Variants in EXOSC7 observed in about 807,000 individuals in gnomAD.
EXOSC7 encodes exosome component 7.
In EXOSC7, 25 loss-of-function variants were observed where a neutral mutation model predicts 34.3. That is an observed-to-expected ratio of 0.73 (90% confidence interval 0.53 to 1.02). EXOSC7 has a LOEUF of 1.02. Among genes scored for constraint, EXOSC7 ranks in the 50% least tolerant of loss-of-function variants. The pLI is 0.00. For synonymous variants in EXOSC7, 130 were observed against 143.0 expected (o/e 0.91, Z 0.65); for missense variants, 370 against 368.5 (o/e 1.00, Z -0.03).
chr3:44,990,719 G>A (rs1257244797), intron 3 of EXOSC7, among the ~76,000 whole-genome samples: 1 of 152,192 alleles, frequency 6.6e-6, no homozygotes, highest in Non-Finnish European at 1.5e-5. Context: ...TGGTCACATA[G>A]ACACTCGATG....
intron 7 of EXOSC7, among the ~76,000 whole-genome samples, chr3:45,009,555 C>CTTT (rs769220705): frequency 6.9e-6 from 1 of 145,772 alleles, no homozygotes. Flanking sequence ...TCCAAAGGCC[C>CTTT]TTTTTTTTTT....
rs1707010166 is a variant in EXOSC7, at chr3:45,005,495, A to G, written c.615+81A>G. ...TCCCAACCTGCTGAGGTTACTTAAT[A>G]AGTTAAGAAGTTGTAATACCACACA... On this transcript the variant is annotated intron_variant, in intron 6 of 7. Coordinates refer to ENST00000265564, the MANE Select transcript of EXOSC7 (RefSeq NM_015004.4). The G allele has an allele frequency of 4.2e-6, 6 of 1,429,098 alleles. No homozygotes were observed. The Admixed American group carries it at 9.3e-5, about 22-fold the overall frequency. 88.5% of individuals were successfully genotyped at this position (1,429,098 alleles called of 1,614,324 possible).
intron 1 of EXOSC7, chr3:44,977,513 C>T (rs1249756801): frequency 6.6e-6 from 1 of 152,190 alleles, no homozygotes; most frequent in Non-Finnish European, 1.5e-5. Context: ...CATATTATGC[C>T]TGGATAATAA....
chr3:45,004,941 T>C (rs1706991042), intron 5 of EXOSC7: 1 of 193,130 alleles, frequency 5.2e-6, no homozygotes, highest in Non-Finnish European at 1.1e-5. Flanking sequence ...TCCAAGGTCA[T>C]GCAGATGTTT....
At chr3:44,987,683 C>CT (rs143829258) in intron 1 of EXOSC7, among the ~76,000 whole-genome samples, 15,579 of 152,330 alleles carry the variant, frequency 0.1, 840 homozygotes, top group Middle Eastern at 0.18. Context: ...CCTGGATACT[C>CT]TGAGGCTAAA....
At chr3:44,985,907 G>A (rs1445204077) in intron 1 of EXOSC7, among the ~76,000 whole-genome samples, 3 of 152,092 alleles carry the variant, frequency 2.0e-5, no homozygotes, top group Admixed American at 2.0e-4. Flanking sequence ...CAGTAGATTA[G>A]CTAGATACAG....
chr3:44,979,554 G>A (rs559820739), intron 1 of EXOSC7, among the ~76,000 whole-genome samples: 4 of 151,842 alleles, frequency 2.6e-5, no homozygotes, highest in Non-Finnish European at 5.9e-5. Context: ...TTACAAGGCT[G>A]CAAGTGTTTC....
rs752657701 is a variant in EXOSC7 at position 44,976,272 on chromosome 3, G to C, written c.-6G>C. The C allele has an allele frequency of 6.4e-6, 10 of 1,556,932 alleles. No homozygotes were observed. Among genetic ancestry groups the C allele is most frequent in the African/African-American group, 4.3e-5 (3 of 70,476 alleles). On this transcript the variant is annotated 5_prime_UTR_variant, in exon 1 of 8. Coordinates refer to ENST00000265564, the MANE Select transcript of EXOSC7 (RefSeq NM_015004.4). ...TGACGTGCGGCTCGTGGGGCAGCTC[G>C]GCAGCATGGCGTCCGTGACGCTGAG...
Position 44,989,528 on chromosome 3 carries a change from CTCT to C in EXOSC7, c.160-17_160-15del. 1 of 1,588,910 alleles carries C rather than the reference CTCT, an allele frequency of 6.3e-7. No individual in the cohort carries two copies. Among genetic ancestry groups the C allele is most frequent in the Non-Finnish European group, 8.6e-7 (1 of 1,157,322 alleles). On this transcript the variant is annotated intron_variant, in intron 2 of 7. Coordinates refer to ENST00000265564, the MANE Select transcript of EXOSC7 (RefSeq NM_015004.4). Reference sequence around the variant, plus strand: ...CCTGGCTGCATACTCTGAGTGAGGACTCTTCTTGCATGTGTCTGCAGGGTCACA... The same window carrying C: ...CCTGGCTGCATACTCTGAGTGAGGACTCTTGCATGTGTCTGCAGGGTCACA...
At chr3:45,005,172 A>G (rs1435704221) in intron 5 of EXOSC7, 119 bp from the exon 6 acceptor site, 2 of 1,152,060 alleles carry the variant, frequency 1.7e-6, no homozygotes, top group South Asian at 1.4e-5. Flanking sequence ...ATGATAAAGA[A>G]TAGGCATAGC....
At chr3:45,005,514 C>T (rs1298222533) in intron 6 of EXOSC7, 100 bp downstream of exon 6, 2 of 1,206,252 alleles carry the variant, frequency 1.7e-6, no homozygotes, top group Middle Eastern at 2.0e-4. Flanking sequence ...AGTTGTAATA[C>T]CACACACCAT....
rs1280849702 is a variant in EXOSC7, at chr3:44,997,079, T to C, written c.255-8T>C. 30 of 1,613,440 alleles carry C rather than the reference T, an allele frequency of 1.9e-5. No homozygotes were observed. The highest frequency in any genetic ancestry group is 2.5e-5 in the Non-Finnish European group (30 of 1,179,556). On this transcript the variant is annotated splice_region_variant and splice_polypyrimidine_tract_variant and intron_variant, in intron 3 of 7. Coordinates refer to ENST00000265564, the MANE Select transcript of EXOSC7 (RefSeq NM_015004.4). Reference sequence around the variant, plus strand: ...CTCACCCAGTTTTTTTGTTTCTGTTTTGTATAGTTCAGCCAGTGCTACCCC... The same window carrying C: ...CTCACCCAGTTTTTTTGTTTCTGTTCTGTATAGTTCAGCCAGTGCTACCCC...
At chr3:45,006,224 C>T (rs1427805032) in intron 6 of EXOSC7, among the ~76,000 whole-genome samples, 10 of 150,916 alleles carry the variant, frequency 6.6e-5, no homozygotes, top group Non-Finnish European at 1.3e-4. Context: ...ATTACAGGCA[C>T]GTGCCATCAT....
At position 44,976,323 on chromosome 3, in the gene EXOSC7, C is replaced by T; in HGVS notation, c.46C>T (p.His16Tyr). The T allele has an allele frequency of 6.4e-7, 1 of 1,570,884 alleles. No homozygotes were observed. Among genetic ancestry groups the T allele is most frequent in the South Asian group, 1.2e-5 (1 of 86,020 alleles). The change falls in exon 1 of 8, where the codon CAT becomes TAT. Residue 16 changes from histidine (H) to tyrosine (Y), a missense_variant. Coordinates refer to ENST00000265564, the MANE Select transcript of EXOSC7 (RefSeq NM_015004.4). ...LSEAEKVYIV[H>Y]GVQEDLRVDG... ...CGAGGCGGAGAAGGTGTACATCGTG[C>T]ATGGCGTCCAGGTAGCTACAGCAGC...
chr3:44,984,134 A>G (rs1706345691), intron 1 of EXOSC7, among the ~76,000 whole-genome samples: 1 of 152,124 alleles, frequency 6.6e-6, no homozygotes, highest in African/African-American at 2.4e-5. Flanking sequence ...CATTTTCACT[A>G]CAAAGAGGTG....
chr3:45,004,238 G>A (rs1472600172), intron 5 of EXOSC7: 2 of 151,744 alleles, frequency 1.3e-5, no homozygotes, highest in African/African-American at 4.8e-5. Flanking sequence ...GTTCCGGGTT[G>A]TTTCACATTT....
At chr3:45,009,622 C>T (rs1207377058) in intron 7 of EXOSC7, among the ~76,000 whole-genome samples, 1 of 151,814 alleles carries the variant, frequency 6.6e-6, no homozygotes, top group Non-Finnish European at 1.5e-5. Context: ...GATCTCAGCT[C>T]ACTGCAACCT....
At chr3:44,992,069 A>G (rs56839077) in intron 3 of EXOSC7, among the ~76,000 whole-genome samples, 36,781 of 152,174 alleles carry the variant, frequency 0.24, 6,183 homozygotes, top group East Asian at 0.76. Flanking sequence ...TTTTAATTGC[A>G]TAAACAAGTG....
At chr3:44,998,109 C>T (rs1706776810) in intron 4 of EXOSC7, among the ~76,000 whole-genome samples, 1 of 147,818 alleles carries the variant, frequency 6.8e-6, no homozygotes, top group Admixed American at 6.9e-5. Context: ...GATCTTGGCT[C>T]ACTGCAACCT....
Sources: gnomAD v4.1 joint callset for allele counts (sites outside exome capture counted in the v4.1 genomes callset) on GRCh38, gnomAD v4.1.1 for gene constraint, MANE v1.5 for transcripts, NCBI Gene and HGNC (gene_info 2026-07-23, HGNC 2026-07-21) for gene names.